The following DAB2IP variants were observed in gnomAD, a reference collection of about 807,000 sequenced individuals.
The protein encoded by DAB2IP is disabled homolog 2-interacting protein.
DAB2IP carries 28 observed loss-of-function variants against 107.2 expected under a neutral mutation model. The ratio of observed to expected loss-of-function variants is 0.26; its 90% CI spans 0.19 to 0.36. The LOEUF is 0.36. DAB2IP is among the 10% of genes least tolerant of loss of function. The pLI is 1.00. For missense variants in DAB2IP, 1,400 were observed against 1,644.7 expected (o/e 0.85, Z 2.57); for synonymous variants, 755 against 706.4 (o/e 1.07, Z -1.09).
In DAB2IP at chr9:121,605,958, CCAGAAAGTCCA is replaced by C. The variant is rs1225423971; in HGVS notation, c.40+38737_40+38747del. ...TCTGGGGTTGCACAGTTATTTGTGG[CCAGAAAGTCCA>C]CAGAAACATCTGTCCCTGAGTTCAG... On this transcript the variant is annotated intron_variant, in intron 1 of 16. Transcript: ENST00000259371. Among the ~76,000 whole-genome samples, 4 of 152,120 alleles carry C rather than the reference CCAGAAAGTCCA, an allele frequency of 2.6e-5. No individual in the cohort carries two copies. The East Asian group carries it at 7.7e-4, about 29-fold the overall frequency.
intron 1 of DAB2IP, among the ~76,000 whole-genome samples, chr9:121,597,610 T>C (rs1830557263): frequency 6.6e-6 from 1 of 152,136 alleles, no homozygotes; most frequent in Non-Finnish European, 1.5e-5. Flanking sequence ...TCTCATCACG[T>C]TTTACATGAA....
Position 121,645,202 on chromosome 9 carries a change from G to A in DAB2IP, c.41-33476G>A, listed in dbSNP as rs189482378. Among the ~76,000 whole-genome samples the A allele has an allele frequency of 3.5e-3, 534 of 152,350 alleles. 2 individuals are homozygous for A. Among genetic ancestry groups the A allele is most frequent in the Non-Finnish European group, 3.5e-3 (238 of 68,026 alleles). On this transcript the variant is annotated intron_variant, in intron 1 of 16. Transcript: ENST00000259371. ...CAGGGCCCACCTGGAGCTTGGCAGC[G>A]TTTCTGGGTCAGGGCAGGGAGAGGA...
intron 5 of DAB2IP, 100 bp from the exon 6 acceptor site, chr9:121,759,785 G>C: frequency 8.9e-7 from 1 of 1,128,602 alleles, no homozygotes; most frequent in Non-Finnish European, 1.2e-6. Flanking sequence ...TCCACCTTCA[G>C]AGCTCCTCCT....
At chr9:121,765,116 A>T (rs1834180237) in intron 8 of DAB2IP, among the ~76,000 whole-genome samples, 1 of 152,138 alleles carries the variant, frequency 6.6e-6, no homozygotes, top group African/African-American at 2.4e-5. Flanking sequence ...GCAGCTTTCC[A>T]CACCCCTGGG....
chr9:121,609,065 C>A (rs1420966092), intron 1 of DAB2IP, among the ~76,000 whole-genome samples: 1 of 152,250 alleles, frequency 6.6e-6, no homozygotes, highest in Admixed American at 6.5e-5. Context: ...CCTCAGCCTC[C>A]CTGGTAGCTG....
At chr9:121,612,326 CA>C (rs144182186) in intron 1 of DAB2IP, among the ~76,000 whole-genome samples, 3,679 of 150,350 alleles carry the variant, frequency 0.024, 158 homozygotes, top group African/African-American at 0.084. Flanking sequence ...GACCCTGCCT[CA>C]AAAAAAAATT....
chr9:121,766,354 C>T, intron 8 of DAB2IP, 140 bp from the exon 9 acceptor site: 2 of 747,266 alleles, frequency 2.7e-6, no homozygotes, highest in South Asian at 3.5e-5. Context: ...ATGGCTGTGT[C>T]CTCAGAGCTC....
At chr9:121,607,845 TCTGACTATCA>T (rs1189766011) in intron 1 of DAB2IP, among the ~76,000 whole-genome samples, 1 of 152,234 alleles carries the variant, frequency 6.6e-6, no homozygotes, top group Non-Finnish European at 1.5e-5. Context: ...GGTGACCCTG[TCTGACTATCA>T]CTGGCTGTAG....
intron 2 of DAB2IP, among the ~76,000 whole-genome samples, chr9:121,681,944 G>C (rs1828624490): frequency 1.3e-5 from 2 of 152,206 alleles, no homozygotes; most frequent in Non-Finnish European, 2.9e-5. Flanking sequence ...CTGACCCATG[G>C]TAGGTGCTTC....
intron 3 of DAB2IP, among the ~76,000 whole-genome samples, chr9:121,754,326 G>A (rs549825602): frequency 6.6e-6 from 1 of 152,336 alleles, no homozygotes; most frequent in East Asian, 1.9e-4. Flanking sequence ...AGGAACGTGA[G>A]TGAGAGAGTA....
chr9:121,678,741 C>G, exon 2 of DAB2IP: 3 of 1,599,914 alleles, frequency 1.9e-6, no homozygotes, highest in Non-Finnish European at 2.6e-6. Context: ...GAGAAGAGCC[C>G]CAGCATGGAG....
At chr9:121,664,036 G>T (rs1451921728) in intron 1 of DAB2IP, among the ~76,000 whole-genome samples, 2 of 152,190 alleles carry the variant, frequency 1.3e-5, no homozygotes, top group Non-Finnish European at 2.9e-5. Flanking sequence ...CAAATACGTG[G>T]CACAGTCATT....
rs956403351 is a variant in DAB2IP at position 121,599,299 on chromosome 9, C to G, written c.40+32071C>G. Among the ~76,000 whole-genome samples the G allele has an allele frequency of 6.6e-6, 1 of 152,102 alleles. No individual in the cohort carries two copies. The highest frequency in any genetic ancestry group is 2.4e-5 in the African/African-American group (1 of 41,448). ...GAGGGGAGGGGGCGTGTGGTCCCGC[C>G]GGCATCTCGGGCCGGCACCAGGCTG... On this transcript the variant is annotated intron_variant, in intron 1 of 16. Transcript: ENST00000259371. The surrounding 1 kb of genome is among the most constrained non-coding windows in gnomAD (Gnocchi z 6.9).
chr9:121,731,118 C>CACCA (rs1831511303), intron 3 of DAB2IP, among the ~76,000 whole-genome samples: 1 of 152,310 alleles, frequency 6.6e-6, no homozygotes, highest in South Asian at 2.1e-4. Flanking sequence ...TCTTCTGGGC[C>CACCA]TACAGCCTGT....
chr9:121,665,969 C>T (rs1177936544), intron 1 of DAB2IP, among the ~76,000 whole-genome samples: 1 of 152,172 alleles, frequency 6.6e-6, no homozygotes, highest in African/African-American at 2.4e-5. Context: ...TAACAAATTA[C>T]CACAAACTTG....
intron 3 of DAB2IP, among the ~76,000 whole-genome samples, chr9:121,740,637 G>A (rs1564191550): frequency 6.6e-6 from 1 of 152,204 alleles, no homozygotes; most frequent in African/African-American, 2.4e-5. Context: ...GCTGGCTCTG[G>A]GGAGGGTTCA....
chr9:121,766,819 C>A, intron 9 of DAB2IP, 89 bp downstream of exon 9: 1 of 1,339,970 alleles, frequency 7.5e-7, no homozygotes, highest in Non-Finnish European at 1.0e-6. Flanking sequence ...CCAAGCTGAG[C>A]AGAGACCATA....
At chr9:121,676,310 C>T (rs1479487518) in intron 1 of DAB2IP, among the ~76,000 whole-genome samples, 2 of 152,248 alleles carry the variant, frequency 1.3e-5, no homozygotes, top group East Asian at 3.8e-4. Context: ...GGAAAGCCTG[C>T]TCCTTGTGTG....
chr9:121,770,181 G>A (rs758410689), intron 10 of DAB2IP, among the ~76,000 whole-genome samples: 28 of 152,220 alleles, frequency 1.8e-4, no homozygotes, highest in Non-Finnish European at 4.1e-4. Flanking sequence ...TGTGAGAGGG[G>A]CTGTCACAGA....
Sources: allele counts gnomAD v4.1 joint callset (sites outside exome capture counted in the v4.1 genomes callset), GRCh38; gene constraint gnomAD v4.1.1; non-coding constraint Gnocchi (gnomAD v3.1); transcripts MANE v1.5; gene names NCBI Gene and HGNC (gene_info 2026-07-23, HGNC 2026-07-21).